HIP1: variants seen among roughly 807,000 people sequenced by gnomAD.
HIP1 encodes huntingtin interacting protein 1.
HIP1 carries 65 observed loss-of-function variants against 147.6 expected under a neutral mutation model. That is an observed-to-expected ratio of 0.44 (90% CI 0.36 to 0.54). The LOEUF (loss-of-function observed/expected upper bound fraction) is 0.54, where lower values mean the gene tolerates loss of function less well. Ranked by LOEUF, HIP1 falls within the 20% of genes least tolerant of loss-of-function variation. The probability of loss-of-function intolerance (pLI) is 0.00; values close to 1 mark genes in which losing one functional copy is unlikely to be tolerated. For synonymous variants in HIP1, 479 were observed against 504.0 expected (o/e 0.95, Z 0.67); for missense variants, 1,061 against 1,299.6 (o/e 0.82, Z 2.82).
At chr7:75,571,831 G>A (rs1795646109) in intron 8 of HIP1, among the ~76,000 whole-genome samples, 1 of 152,086 alleles carries the variant, frequency 6.6e-6, no homozygotes, top group Non-Finnish European at 1.5e-5. Context: ...CGATCTGCCT[G>A]CATCAGCCTC....
At chr7:75,602,832 T>A (rs1797058840) in intron 1 of HIP1, among the ~76,000 whole-genome samples, 1 of 123,832 alleles carries the variant, frequency 8.1e-6, no homozygotes, top group Non-Finnish European at 1.6e-5. Context: ...ATGAATATGA[T>A]CTTATTTACA....
intron 1 of HIP1, among the ~76,000 whole-genome samples, chr7:75,642,820 G>A (rs1554510656): frequency 6.6e-6 from 1 of 152,152 alleles, no homozygotes; most frequent in Non-Finnish European, 1.5e-5. Flanking sequence ...AGCACAGCCT[G>A]CATTTCCCTA....
intron 1 of HIP1, among the ~76,000 whole-genome samples, chr7:75,691,693 CAGA>C (rs1274071239): frequency 2.6e-5 from 4 of 151,964 alleles, no homozygotes; most frequent in Admixed American, 2.6e-4. Context: ...GAGGCTGAGG[CAGA>C]AGAATTGCTT....
intron 1 of HIP1, among the ~76,000 whole-genome samples, chr7:75,733,256 G>A (rs1447882419): frequency 6.6e-6 from 1 of 151,946 alleles, no homozygotes; most frequent in Non-Finnish European, 1.5e-5. Flanking sequence ...CCCTGGGCAC[G>A]TTACCAAGCT....
chr7:75,702,031 G>A (rs1554519204), intron 1 of HIP1, among the ~76,000 whole-genome samples: 1 of 151,690 alleles, frequency 6.6e-6, no homozygotes, highest in Non-Finnish European at 1.5e-5. Flanking sequence ...CCGGGTTCAA[G>A]CGATTCTCCT....
intron 1 of HIP1, among the ~76,000 whole-genome samples, chr7:75,724,716 G>A (rs1801601071): frequency 6.6e-6 from 1 of 152,196 alleles, no homozygotes; most frequent in African/African-American, 2.4e-5. Flanking sequence ...TAGGGCCTGT[G>A]TGCCAGTAAG....
intron 1 of HIP1, among the ~76,000 whole-genome samples, chr7:75,623,210 C>CAAAA (rs34787591): frequency 6.0e-5 from 5 of 83,022 alleles, no homozygotes; most frequent in African/African-American, 1.4e-4. Context: ...AAAAAAAAAG[C>CAAAA]AAAAAAAAAA....
intron 1 of HIP1, among the ~76,000 whole-genome samples, chr7:75,694,027 C>G (rs1296208356): frequency 6.8e-6 from 1 of 146,370 alleles, no homozygotes; most frequent in Non-Finnish European, 1.5e-5. Context: ...TCAAGTGATT[C>G]TCCTGCCTCA....
At chr7:75,686,766 A>T (rs1443619540) in intron 1 of HIP1, among the ~76,000 whole-genome samples, 1 of 151,082 alleles carries the variant, frequency 6.6e-6, no homozygotes, top group Non-Finnish European at 1.5e-5. Context: ...GGCTCAAGCC[A>T]TCCTCCCCTC....
intron 1 of HIP1, among the ~76,000 whole-genome samples, chr7:75,672,651 C>G (rs1340022781): frequency 6.6e-6 from 1 of 152,202 alleles, no homozygotes; most frequent in East Asian, 1.9e-4. Context: ...CGACAGTGTC[C>G]TTTGAAGCAA....
At chr7:75,718,810 G>C (rs1453769490) in intron 1 of HIP1, among the ~76,000 whole-genome samples, 1 of 152,158 alleles carries the variant, frequency 6.6e-6, no homozygotes, top group Non-Finnish European at 1.5e-5. Context: ...TCACAGTCCA[G>C]GTAAGCACCT....
At chr7:75,564,541 G>A (rs587709274) in intron 9 of HIP1, among the ~76,000 whole-genome samples, 10 of 152,128 alleles carry the variant, frequency 6.6e-5, no homozygotes, top group Non-Finnish European at 1.5e-4. Context: ...TGATCCGCCC[G>A]TCTCGGCCTC....
At chr7:75,555,923 A>AC in intron 18 of HIP1, 103 bp downstream of exon 18, 2 of 1,426,416 alleles carry the variant, frequency 1.4e-6, no homozygotes, top group Admixed American at 1.9e-5. Flanking sequence ...AAGGCCCCAA[A>AC]CCCCTTCTCA....
intron 1 of HIP1, among the ~76,000 whole-genome samples, chr7:75,601,093 T>C (rs1003506885): frequency 4.6e-5 from 7 of 152,078 alleles, no homozygotes; most frequent in African/African-American, 1.2e-4. Flanking sequence ...GTGATAAATA[T>C]GTTGTGGTTA....
chr7:75,688,529 G>A (rs1313329597), intron 1 of HIP1, among the ~76,000 whole-genome samples: 2 of 152,062 alleles, frequency 1.3e-5, no homozygotes, highest in Non-Finnish European at 2.9e-5. Flanking sequence ...CCGCACTAAG[G>A]GGAGATCTGC....
intron 27 of HIP1, among the ~76,000 whole-genome samples, chr7:75,544,279 T>C (rs1367049549): frequency 6.6e-6 from 1 of 152,076 alleles, no homozygotes; most frequent in Non-Finnish European, 1.5e-5. Flanking sequence ...GATCATTTGT[T>C]CTCAAGGCCA....
chr7:75,547,182 G>A, intron 24 of HIP1, 150 bp from the exon 25 acceptor site: 1 of 656,028 alleles, frequency 1.5e-6, no homozygotes, highest in Non-Finnish European at 2.7e-6. Flanking sequence ...ATTCTGCGGG[G>A]AGGCACCGAA....
chr7:75,712,410 T>TAG (rs1280209813), intron 1 of HIP1, among the ~76,000 whole-genome samples: 1 of 152,116 alleles, frequency 6.6e-6, no homozygotes, highest in Non-Finnish European at 1.5e-5. Flanking sequence ...GTGAAAAAGT[T>TAG]AACTGAGTGC....
intron 1 of HIP1, among the ~76,000 whole-genome samples, chr7:75,664,431 C>T (rs1799482421): frequency 8.9e-6 from 1 of 112,606 alleles, no homozygotes; most frequent in African/African-American, 3.7e-5. Context: ...TGTGTGTATA[C>T]ATATACATAC....
Sources: gnomAD v4.1 joint callset for allele counts (sites outside exome capture counted in the v4.1 genomes callset) on GRCh38, gnomAD v4.1.1 for gene constraint, MANE v1.5 for transcripts, NCBI Gene and HGNC (gene_info 2026-07-23, HGNC 2026-07-21) for gene names.